Variants in CCDC112 observed in about 807,000 individuals in gnomAD.
CCDC112 encodes coiled-coil domain containing 112.
In CCDC112, 40 loss-of-function variants were observed where a neutral mutation model predicts 66.3. The observed-to-expected ratio is 0.60, with a 90% confidence interval of 0.47 to 0.79. The LOEUF (loss-of-function observed/expected upper bound fraction) is 0.79, where lower values mean the gene tolerates loss of function less well. Ranked by LOEUF, CCDC112 falls within the 30% of genes least tolerant of loss-of-function variation. CCDC112 has a pLI of 0.00. For missense variants in CCDC112, 659 were observed against 603.8 expected, an observed-to-expected ratio of 1.09 and a Z score of -0.96; for synonymous variants, 214 against 197.2, an observed-to-expected ratio of 1.09 and a Z score of -0.71.
chr5:115,283,227 T>G (rs1173566291), intron 2 of CCDC112, among the ~76,000 whole-genome samples: 1 of 152,248 alleles, frequency 6.6e-6, no homozygotes. Flanking sequence ...GGTCTCTAGA[T>G]CTTTTCTATT....
chr5:115,268,976 G>A lies in CCDC112; in HGVS notation c.1453C>T (p.Pro485Ser), dbSNP rs1748889789. Residue 485 changes from proline (P) to serine (S), a missense_variant, in exon 9 of 10, where the codon CCC (proline) becomes TCC (serine). Transcript: ENST00000379611. ...EKVENNVSRD[P>S]SRLYKPTKGW... ...TTGGTGGGTTTGTAAAGCCTAGAGG[G>A]ATCTCTACTAACATTGTTTTCAACC... is the stretch of plus-strand genomic sequence containing the variant. 6.3e-7 allele frequency: 1 copy of A among 1,597,632 alleles called. No homozygotes were observed. The highest frequency in any genetic ancestry group is 2.3e-5 in the East Asian group (1 of 43,210).
In CCDC112 at chr5:115,279,650, C is replaced by T; in HGVS notation, c.358G>A (p.Glu120Lys). Residue 120 changes from glutamate (E) to lysine (K), a missense_variant, in exon 3 of 10, where the codon GAA becomes AAA. Transcript: ENST00000379611. ...GTTCATCACAAACTCAACTTACTTTCTGTTTTCCTGCTGTGAATCAATTTA... is the reference window on the plus strand; with the variant it reads ...GTTCATCACAAACTCAACTTACTTTTTGTTTTCCTGCTGTGAATCAATTTA... The part of the protein sequence containing the change: ...ENKLIHSRKT[E>K]RAKIQQQLAK... 1 of 1,611,078 alleles carries T rather than the reference C, an allele frequency of 6.2e-7. No individual in the cohort carries two copies. The highest frequency in any genetic ancestry group is 8.5e-7 in the Non-Finnish European group (1 of 1,179,312).
chr5:115,283,733 T>C (rs1441873831), intron 2 of CCDC112, among the ~76,000 whole-genome samples: 2 of 152,192 alleles, frequency 1.3e-5, no homozygotes, highest in East Asian at 1.9e-4. Context: ...TTTTCATTGG[T>C]AGAATTTCTA....
Position 115,271,590 on chromosome 5 carries a change from T to C in CCDC112, c.955A>G (p.Arg319Gly). Residue 319 changes from arginine to glycine, a missense_variant, in exon 7 of 10, where the codon AGG becomes GGG. Transcript: ENST00000379611. ...TCCTTTAACTTGAAAATTTCCTCCC[T>C]TTTTTGCTGCTTTTTAGTTTTCCAA... ...QIWKTKKQQK[R>G]EEIFKLKEKA... 1.3e-6 allele frequency: 2 copies of C among 1,545,756 alleles called. No homozygotes were observed. Among genetic ancestry groups the C allele is most frequent in the Non-Finnish European group, 1.7e-6 (2 of 1,153,818 alleles).
At chr5:115,289,737 G>C (rs1223536950) in intron 1 of CCDC112, among the ~76,000 whole-genome samples, 2 of 152,096 alleles carry the variant, frequency 1.3e-5, no homozygotes, top group African/African-American at 4.8e-5. Context: ...TTTTGCAGCG[G>C]CTTAATCCCG....
At position 115,267,233 on chromosome 5, in the gene CCDC112, GGCTGAAGGAAAATTTGGAATT is replaced by G. The variant is rs1440783481; in HGVS notation, c.*622_*642del. ...TTTATAAATCTGTGAAATCCAGAAA[GGCTGAAGGAAAATTTGGAATT>G]GCTGAAGGAAACCAAAAAGATTATA... On this transcript the variant is annotated 3_prime_UTR_variant, in exon 10 of 10. Transcript: ENST00000379611. The G allele has an allele frequency of 6.6e-6, 1 of 152,072 alleles. No homozygotes were observed. The highest frequency in any genetic ancestry group is 1.9e-4 in the East Asian group (1 of 5,202). 9.4% of individuals were successfully genotyped at this position (152,072 alleles called of 1,614,324 possible).
intron 2 of CCDC112, among the ~76,000 whole-genome samples, chr5:115,282,711 G>A (rs1020765529): frequency 4.6e-5 from 7 of 152,160 alleles, no homozygotes; most frequent in African/African-American, 1.7e-4. Flanking sequence ...AAAACTAGTG[G>A]GTTATCTGAG....
chr5:115,270,799 A>G (rs1748963397), intron 7 of CCDC112, among the ~76,000 whole-genome samples: 1 of 152,208 alleles, frequency 6.6e-6, no homozygotes, highest in Non-Finnish European at 1.5e-5. Flanking sequence ...AAGTGTTAAT[A>G]GTCTCCATCA....
rs1490783413 is a variant in CCDC112 at position 115,276,990 on chromosome 5, T to C, written c.426A>G (p.Leu142=). The stretch of plus-strand genomic sequence containing the variant: ...AATCAGGTGTAGGCTTCACATCTTT[T>C]AATTGATGCTGAAGTTTCTTTACAT... ...HNNVKKLQHQ[L]KDVKPTPDFV... The change falls in exon 4 of 10, where the codon TTA becomes TTG. Residue 142 remains leucine, a synonymous_variant. Coordinates refer to ENST00000379611, the MANE Select transcript of CCDC112 (RefSeq NM_001040440.3). 1 of 1,608,268 alleles carries C rather than the reference T, an allele frequency of 6.2e-7. No individual in the cohort carries two copies. Among genetic ancestry groups the C allele is most frequent in the Non-Finnish European group, 8.5e-7 (1 of 1,175,840 alleles).
chr5:115,292,922 A>G (rs1338437926), intron 1 of CCDC112, among the ~76,000 whole-genome samples: 1 of 152,242 alleles, frequency 6.6e-6, no homozygotes, highest in Non-Finnish European at 1.5e-5. Context: ...AAAGACAAAC[A>G]AGGATGAGGA....
At chr5:115,284,933 A>C (rs1749613704) in intron 1 of CCDC112, 25 bp from the exon 2 acceptor site, 2 of 1,587,372 alleles carry the variant, frequency 1.3e-6, no homozygotes, top group South Asian at 2.3e-5. Context: ...AGAAAAACTT[A>C]ACAGTAATGA....
At chr5:115,270,815 C>T (rs772655384) in intron 7 of CCDC112, among the ~76,000 whole-genome samples, 15 of 152,150 alleles carry the variant, frequency 9.9e-5, no homozygotes, top group Non-Finnish European at 2.1e-4. Flanking sequence ...CATCACAAAC[C>T]ATACTGTTAC....
intron 1 of CCDC112, chr5:115,295,811 T>A: frequency 1.2e-6 from 1 of 816,218 alleles, no homozygotes; most frequent in Non-Finnish European, 1.5e-6. Context: ...TGGGGAAAAA[T>A]AAAACCAGAA....
Position 115,296,618 on chromosome 5 carries a change from T to G in CCDC112, c.-75A>C, listed in dbSNP as rs1051019217. 1.5e-5 allele frequency: 20 copies of G among 1,352,108 alleles called. No homozygotes were observed. The Admixed American group carries it at 7.4e-4, about 50-fold the overall frequency. 83.8% of individuals were successfully genotyped at this position (1,352,108 alleles called of 1,614,324 possible). A position where few individuals can be genotyped will look rare whatever the true frequency, so the allele number is the denominator to read the frequency against. On this transcript the variant is annotated 5_prime_UTR_variant, in exon 1 of 10. Coordinates refer to ENST00000379611, the MANE Select transcript of CCDC112 (RefSeq NM_001040440.3). ...TTCGTGGCAGGCGCACCCTGGCCTC[T>G]GCAGACAGCTCCCTGCGCTGCGGGC...
chr5:115,277,230 T>C (rs1226730793), intron 3 of CCDC112, 176 bp from the exon 4 acceptor site: 1 of 478,922 alleles, frequency 2.1e-6, no homozygotes, highest in African/African-American at 2.0e-5. Flanking sequence ...AAATAAAGCA[T>C]CCTTCAATAT....
At chr5:115,276,907 A>T (rs1749229534) in intron 4 of CCDC112, 58 bp downstream of exon 4, 2 of 1,121,174 alleles carry the variant, frequency 1.8e-6, no homozygotes, top group African/African-American at 3.1e-5. Context: ...TAGCTCCATT[A>T]ATGCCAAACA....
intron 6 of CCDC112, among the ~76,000 whole-genome samples, 153 bp from the exon 7 acceptor site, chr5:115,271,779 AT>A (rs1421393044): frequency 1.3e-5 from 2 of 152,014 alleles, no homozygotes; most frequent in Non-Finnish European, 2.9e-5. Context: ...AACCATTGCA[AT>A]TTTTTTCTAC....
intron 2 of CCDC112, among the ~76,000 whole-genome samples, chr5:115,283,497 T>A (rs966438191): frequency 2.0e-5 from 3 of 152,160 alleles, no homozygotes; most frequent in African/African-American, 7.2e-5. Flanking sequence ...AAGGTAACTA[T>A]GTGAAGTGAT....
intron 6 of CCDC112, among the ~76,000 whole-genome samples, chr5:115,272,365 T>G (rs973560306): frequency 3.3e-5 from 5 of 152,112 alleles, no homozygotes; most frequent in Non-Finnish European, 7.4e-5. Flanking sequence ...AAGAGTAGGG[T>G]GGTTAAGAAC....
Sources: allele counts gnomAD v4.1 joint callset (sites outside exome capture counted in the v4.1 genomes callset), GRCh38; gene constraint gnomAD v4.1.1; transcripts MANE v1.5; gene names NCBI Gene and HGNC (gene_info 2026-07-23, HGNC 2026-07-21).